RFX4: variants seen among roughly 807,000 people sequenced by gnomAD.
RFX4 encodes the protein transcription factor RFX4.
A neutral mutation model predicts 95.0 loss-of-function variants in RFX4; 10 were observed. The observed-to-expected ratio is 0.11, with a 90% confidence interval of 0.06 to 0.18. The LOEUF is 0.18. RFX4 is among the 10% of genes least tolerant of loss of function. RFX4 has a pLI of 1.00. For missense variants in RFX4, 640 were observed against 922.0 expected (o/e 0.69, Z 3.96); for synonymous variants, 321 against 340.7 (o/e 0.94, Z 0.64).
intron 2 of RFX4, among the ~76,000 whole-genome samples, chr12:106,638,893 T>C (rs2040564225): frequency 6.6e-6 from 1 of 152,204 alleles, no homozygotes; most frequent in African/African-American, 2.4e-5. Context: ...GGCCCCACCT[T>C]CAAATATCAT....
rs760651825 is a variant in RFX4, at chr12:106,654,318, T to C, written c.282T>C (p.Asp94=). 2 of 1,614,044 alleles carry C rather than the reference T, an allele frequency of 1.2e-6. No individual in the cohort carries two copies. Among genetic ancestry groups the C allele is most frequent in the Non-Finnish European group, 1.7e-6 (2 of 1,179,958 alleles). The change falls in exon 4 of 18, where the codon GAT becomes GAC. Residue 94 remains aspartate (D), a synonymous_variant. Coordinates refer to ENST00000392842, the MANE Select transcript of RFX4 (RefSeq NM_213594.3). ...MHYLDFCEKN[D]TQPVNAASFG... is the part of the protein sequence containing the mutation. ...ACCTGGATTTCTGCGAGAAGAATGATACCCAACCTGTCAATGCTGCCAGCT... is the reference window on the plus strand; with the variant it reads ...ACCTGGATTTCTGCGAGAAGAATGACACCCAACCTGTCAATGCTGCCAGCT...
rs573569328 is a variant in RFX4 at position 106,591,194 on chromosome 12, T to A, written c.43+7831T>A. 6.0e-5 allele frequency among the ~76,000 whole-genome samples: 9 copies of A among 150,788 alleles called. No individual in the cohort carries two copies. The South Asian group carries it at 1.9e-3, about 32-fold the overall frequency. On this transcript the variant is annotated intron_variant, in intron 1 of 17. Coordinates refer to ENST00000392842, the MANE Select transcript of RFX4 (RefSeq NM_213594.3). ...GCAGTGGGAGGAATGCCCAGTAACA[T>A]ACGTAGCATTTTAGCAAAAGTAAAT...
At chr12:106,745,022 T>C (rs1182236566) in intron 15 of RFX4, among the ~76,000 whole-genome samples, 2 of 152,144 alleles carry the variant, frequency 1.3e-5, no homozygotes, top group Non-Finnish European at 2.9e-5. Flanking sequence ...TCCTAACTAT[T>C]CAGGCTTCCA....
At chr12:106,646,338 T>C (rs2040743303) in intron 3 of RFX4, among the ~76,000 whole-genome samples, 1 of 146,798 alleles carries the variant, frequency 6.8e-6, no homozygotes, top group Admixed American at 7.1e-5. Context: ...ACCAGAGCTC[T>C]GGGCTGCAAA....
chr12:106,693,275 T>G (rs941139408), intron 7 of RFX4: 27 of 215,246 alleles, frequency 1.3e-4, no homozygotes, highest in Non-Finnish European at 2.3e-4. Context: ...GGAGAATACA[T>G]CTTCTACAAA....
intron 13 of RFX4, among the ~76,000 whole-genome samples, chr12:106,723,074 A>G (rs2042425821): frequency 6.6e-6 from 1 of 152,096 alleles, no homozygotes; most frequent in African/African-American, 2.4e-5. Context: ...TATCACAATG[A>G]TCCTGTAGGG....
chr12:106,748,987 C>T (rs937660004), intron 16 of RFX4, among the ~76,000 whole-genome samples: 1 of 150,846 alleles, frequency 6.6e-6, no homozygotes, highest in Non-Finnish European at 1.5e-5. Flanking sequence ...CGTGAGGCTG[C>T]GGCAGGAGAA....
intron 3 of RFX4, among the ~76,000 whole-genome samples, chr12:106,645,260 A>G (rs953656174): frequency 6.6e-6 from 1 of 152,280 alleles, no homozygotes; most frequent in East Asian, 1.9e-4. Context: ...TCCCGGCCGC[A>G]CAATAACCTC....
rs143184471 is a variant in RFX4 at position 106,753,392 on chromosome 12, C to T, written c.1935+2599C>T. On this transcript the variant is annotated intron_variant, in intron 17 of 17. Coordinates refer to ENST00000392842, the MANE Select transcript of RFX4 (RefSeq NM_213594.3). ...ATTCCTGAAAGTACCACCTTGAGTCCTCCAGGACCTTATTAGGTGCCACTC... is the reference window on the plus strand; with the variant it reads ...ATTCCTGAAAGTACCACCTTGAGTCTTCCAGGACCTTATTAGGTGCCACTC... Among the ~76,000 whole-genome samples the T allele has an allele frequency of 1.2e-4, 19 of 152,268 alleles. No homozygotes were observed. The East Asian group carries it at 3.5e-3, about 28-fold the overall frequency.
intron 3 of RFX4, among the ~76,000 whole-genome samples, chr12:106,651,312 G>T (rs542740209): frequency 6.6e-6 from 1 of 152,260 alleles, no homozygotes; most frequent in Admixed American, 6.5e-5. Flanking sequence ...GGGCAAATGA[G>T]TTACACCCTC....
intron 1 of RFX4, among the ~76,000 whole-genome samples, chr12:106,599,823 T>A (rs1000011110): frequency 6.6e-6 from 1 of 152,092 alleles, no homozygotes; most frequent in Admixed American, 6.5e-5. Context: ...CAATCCTGGT[T>A]TATGCATGTG....
intron 2 of RFX4, among the ~76,000 whole-genome samples, chr12:106,617,116 A>G (rs1393660239): frequency 1.3e-5 from 2 of 151,986 alleles, no homozygotes; most frequent in African/African-American, 2.4e-5. Flanking sequence ...CATTTTTGAT[A>G]TTGGCAATTT....
chr12:106,715,636 T>C (rs1426153718), intron 11 of RFX4, 92 bp downstream of exon 11: 3 of 1,412,812 alleles, frequency 2.1e-6, no homozygotes, highest in East Asian at 2.3e-5. Context: ...ATCCCCACCC[T>C]GTTCTTCCCA....
chr12:106,640,296 T>C (rs1240101888), intron 3 of RFX4, among the ~76,000 whole-genome samples: 2 of 152,084 alleles, frequency 1.3e-5, no homozygotes, highest in Non-Finnish European at 2.9e-5. Flanking sequence ...ACTGCAAAGC[T>C]CATGCTTGCG....
intron 1 of RFX4, among the ~76,000 whole-genome samples, chr12:106,600,379 C>T (rs1019368218): frequency 2.0e-5 from 3 of 151,946 alleles, no homozygotes; most frequent in African/African-American, 7.3e-5. Flanking sequence ...CAGATTAGAC[C>T]CAACCCCCCT....
chr12:106,672,970 A>C (rs2137373065), intron 4 of RFX4, among the ~76,000 whole-genome samples: 2 of 152,198 alleles, frequency 1.3e-5, no homozygotes, highest in Admixed American at 1.3e-4. Context: ...TGATTTCTTT[A>C]CTTGAGATTG....
chr12:106,684,882 C>T (rs774387629), intron 5 of RFX4: 1 of 1,609,284 alleles, frequency 6.2e-7, no homozygotes, highest in African/African-American at 1.3e-5. Flanking sequence ...ATTCGAGATG[C>T]CCACTAAGCA....
intron 6 of RFX4, among the ~76,000 whole-genome samples, chr12:106,688,684 T>A (rs753649086): frequency 2.6e-5 from 4 of 152,150 alleles, no homozygotes; most frequent in Non-Finnish European, 4.4e-5. Flanking sequence ...CAAATGAACT[T>A]CCTGCACCAT....
At chr12:106,623,256 C>T (rs1237805149) in intron 2 of RFX4, among the ~76,000 whole-genome samples, 7 of 151,362 alleles carry the variant, frequency 4.6e-5, no homozygotes, top group African/African-American at 1.2e-4. Flanking sequence ...TCAATCTGAC[C>T]TCGTGATCTG....
Sources: allele counts gnomAD v4.1 joint callset (sites outside exome capture counted in the v4.1 genomes callset), GRCh38; gene constraint gnomAD v4.1.1; transcripts MANE v1.5; gene names NCBI Gene and HGNC (gene_info 2026-07-23, HGNC 2026-07-21).